Variants in COL19A1 observed in about 807,000 individuals in gnomAD.
COL19A1 encodes the protein collagen type XIX alpha 1 chain.
COL19A1 carries 159 observed loss-of-function variants against 190.2 expected under a neutral mutation model. The observed-to-expected ratio is 0.84, with a 90% CI of 0.73 to 0.95. The LOEUF (loss-of-function observed/expected upper bound fraction) is 0.95, where lower values mean the gene tolerates loss of function less well. Among genes scored for constraint, COL19A1 ranks in the 40% least tolerant of loss-of-function variants. COL19A1 has a pLI of 0.00. For synonymous variants in COL19A1, 509 were observed against 458.9 expected (o/e 1.11, Z -1.39); for missense variants, 1,418 against 1,431.9 (o/e 0.99, Z 0.16).
chr6:69,945,347 T>G (rs1290753552), intron 9 of COL19A1, among the ~76,000 whole-genome samples: 1 of 152,042 alleles, frequency 6.6e-6, no homozygotes, highest in Non-Finnish European at 1.5e-5. Flanking sequence ...TCTCCTGCCC[T>G]CCAATCCCAC....
chr6:70,002,808 T>G lies in COL19A1; in HGVS notation c.1027-20819T>G, dbSNP rs528942054. ...GATCTATCCATGTTGTTGTTGGTTT[T>G]TTTTTTTTTTTCCTCAAAAAAGCAG... is the stretch of plus-strand genomic sequence containing the variant. On this transcript the variant is annotated intron_variant, in intron 11 of 50. Transcript: ENST00000620364. Among the ~76,000 whole-genome samples, 22 of 150,870 alleles carry G rather than the reference T, an allele frequency of 1.5e-4. No individual in the cohort carries two copies. In the South Asian group the frequency reaches 4.6e-3, roughly 31 times the overall value.
chr6:69,901,532 G>A (rs903077898), intron 4 of COL19A1, among the ~76,000 whole-genome samples: 3 of 152,250 alleles, frequency 2.0e-5, no homozygotes, highest in African/African-American at 4.8e-5. Flanking sequence ...TTCAGCAGAT[G>A]TAACTGTATG....
intron 4 of COL19A1, among the ~76,000 whole-genome samples, chr6:69,920,222 G>T (rs1382089435): frequency 1.3e-5 from 2 of 152,108 alleles, no homozygotes; most frequent in Admixed American, 6.6e-5. Context: ...TAGGGTCAAA[G>T]CCTCACTGGC....
intron 2 of COL19A1, among the ~76,000 whole-genome samples, chr6:69,895,416 G>A (rs2096060): frequency 0.17 from 25,466 of 152,196 alleles, 2,715 homozygotes; most frequent in African/African-American, 0.29. Flanking sequence ...CTTTTCCTTA[G>A]TGCAGCTAAA....
chr6:70,196,391 GCT>G (rs773900107), intron 48 of COL19A1, among the ~76,000 whole-genome samples: 7 of 152,104 alleles, frequency 4.6e-5, no homozygotes, highest in Non-Finnish European at 1.0e-4. Flanking sequence ...CTCATTAACT[GCT>G]CTCTGTTTCC....
Position 70,058,277 on chromosome 6 carries a change from T to G in COL19A1, c.1171-10146T>G, listed in dbSNP as rs138416289. ...GTCCCATGTCTGAAATGATTCCAGG[T>G]CTCCATATGAAATTGTTAAGTTTTA... is the stretch of plus-strand genomic sequence containing the variant. On this transcript the variant is annotated intron_variant, in intron 14 of 50. Transcript: ENST00000620364. Among the ~76,000 whole-genome samples the G allele has an allele frequency of 3.7e-3, 562 of 152,110 alleles. 11 individuals carry two copies. Among genetic ancestry groups the G allele is most frequent in the African/African-American group, 0.013 (533 of 41,542 alleles).
At chr6:70,036,640 C>T (rs1582744918) in intron 14 of COL19A1, among the ~76,000 whole-genome samples, 1 of 151,772 alleles carries the variant, frequency 6.6e-6, no homozygotes, top group East Asian at 1.9e-4. Flanking sequence ...GACTCTAAGC[C>T]TAATGGAAAA....
At chr6:70,036,254 T>C (rs1779346839) in intron 14 of COL19A1, among the ~76,000 whole-genome samples, 1 of 152,236 alleles carries the variant, frequency 6.6e-6, no homozygotes, top group African/African-American at 2.4e-5. Flanking sequence ...ACATCAGGTT[T>C]AATGTAAATG....
chr6:69,952,911 C>T (rs1432842176), intron 9 of COL19A1, among the ~76,000 whole-genome samples: 2 of 152,010 alleles, frequency 1.3e-5, no homozygotes, highest in African/African-American at 4.8e-5. Context: ...TCTAACAGTG[C>T]TGGTCCAGAT....
chr6:69,906,980 G>C (rs1202703547), intron 4 of COL19A1, among the ~76,000 whole-genome samples: 1 of 151,820 alleles, frequency 6.6e-6, no homozygotes, highest in Non-Finnish European at 1.5e-5. Flanking sequence ...TCCAAAATAT[G>C]GACAAAACTG....
At chr6:69,953,661 C>T (rs1774252202) in intron 9 of COL19A1, among the ~76,000 whole-genome samples, 1 of 151,976 alleles carries the variant, frequency 6.6e-6, no homozygotes, top group South Asian at 2.1e-4. Context: ...CCAAGTAGAG[C>T]AGTTGGCAGG....
intron 9 of COL19A1, among the ~76,000 whole-genome samples, chr6:69,942,723 G>A (rs1773549305): frequency 6.8e-6 from 1 of 146,246 alleles, no homozygotes; most frequent in African/African-American, 2.6e-5. Flanking sequence ...ATGGCTTAAT[G>A]TCATTCCATT....
intron 4 of COL19A1, among the ~76,000 whole-genome samples, chr6:69,911,783 C>T (rs537681697): frequency 1.2e-4 from 18 of 152,320 alleles, no homozygotes; most frequent in African/African-American, 4.3e-4. Flanking sequence ...CACCCATGAT[C>T]CCCCTGCTCT....
intron 27 of COL19A1, among the ~76,000 whole-genome samples, 184 bp downstream of exon 27, chr6:70,147,073 G>C (rs1485462758): frequency 6.6e-6 from 1 of 152,158 alleles, no homozygotes; most frequent in Admixed American, 6.5e-5. Flanking sequence ...CCCACTGTTT[G>C]TTTATTAACT....
intron 9 of COL19A1, among the ~76,000 whole-genome samples, chr6:69,952,289 C>A (rs1173047976): frequency 6.6e-6 from 1 of 151,776 alleles, no homozygotes; most frequent in East Asian, 1.9e-4. Flanking sequence ...TTCAAACATT[C>A]CGCGCTTGAC....
chr6:70,178,079 A>T (rs921683682), intron 42 of COL19A1, among the ~76,000 whole-genome samples: 1 of 152,208 alleles, frequency 6.6e-6, no homozygotes, highest in Non-Finnish European at 1.5e-5. Context: ...AGCAGTTTTC[A>T]TATGTCATAA....
Position 70,035,869 on chromosome 6 carries a change from A to C in COL19A1, c.1135-35A>C, listed in dbSNP as rs200680829. On this transcript the variant is annotated intron_variant, in intron 13 of 50. Coordinates refer to ENST00000620364, the MANE Select transcript of COL19A1 (RefSeq NM_001858.6). ...TATAAATAATGTGCAAAAAGGGACTAGTGGTAATTGTAGCTTTTCTTTAAT... is the reference window on the plus strand; with the variant it reads ...TATAAATAATGTGCAAAAAGGGACTCGTGGTAATTGTAGCTTTTCTTTAAT... 46 of 1,584,880 alleles carry C rather than the reference A, an allele frequency of 2.9e-5. No individual in the cohort carries two copies. In the East Asian group the frequency reaches 9.2e-4, roughly 32 times the overall value.
At chr6:69,905,112 G>C (rs945831756) in intron 4 of COL19A1, among the ~76,000 whole-genome samples, 1 of 152,104 alleles carries the variant, frequency 6.6e-6, no homozygotes, top group East Asian at 1.9e-4. Context: ...CAACCCGGGA[G>C]CCTTCAGGGG....
At chr6:70,097,719 A>G (rs1783370954) in intron 15 of COL19A1, among the ~76,000 whole-genome samples, 4 of 152,184 alleles carry the variant, frequency 2.6e-5, no homozygotes, top group Admixed American at 1.3e-4. Context: ...GGGCAACTTA[A>G]TAGAGTAAAT....
Sources: allele counts gnomAD v4.1 joint callset (sites outside exome capture counted in the v4.1 genomes callset), GRCh38; gene constraint gnomAD v4.1.1; transcripts MANE v1.5; gene names NCBI Gene and HGNC (gene_info 2026-07-23, HGNC 2026-07-21).